The following MUC5AC variants were observed in gnomAD, a reference collection of about 807,000 sequenced individuals.
MUC5AC encodes mucin 5AC, oligomeric mucus/gel-forming.
Under a neutral mutation model 169.7 loss-of-function variants are expected in MUC5AC, and 158 were observed. That is an observed-to-expected ratio of 0.93 (90% CI 0.82 to 1.06). MUC5AC has a LOEUF of 1.06. Among genes scored for constraint, MUC5AC ranks in the 50% least tolerant of loss-of-function variants. The pLI is 0.00. For synonymous variants in MUC5AC, 1,975 were observed against 1,237.0 expected, an observed-to-expected ratio of 1.60 and a Z score of -12.52; for missense variants, 4,359 against 3,089.9, an observed-to-expected ratio of 1.41 and a Z score of -9.74.
intron 2 of MUC5AC, 73 bp from the exon 3 acceptor site, chr11:1,161,454 C>T (rs1412829094): frequency 1.6e-5 from 21 of 1,280,272 alleles, no homozygotes; most frequent in Admixed American, 8.0e-5. Flanking sequence ...GACTCTGGAA[C>T]GTCTCCTCTG....
In MUC5AC at chr11:1,196,614, C is replaced by G; in HGVS notation, c.15726-3C>G. 1 of 761,556 alleles carries G rather than the reference C, an allele frequency of 1.3e-6. No individual in the cohort carries two copies. Among genetic ancestry groups the G allele is most frequent in the Non-Finnish European group, 2.4e-6 (1 of 416,372 alleles). 47.2% of individuals were successfully genotyped at this position (761,556 alleles called of 1,614,324 possible). A position where few individuals can be genotyped will look rare whatever the true frequency, so the allele number is the denominator to read the frequency against. The stretch of plus-strand genomic sequence containing the variant: ...AGACCCACCAACCCTATGCTCTCTA[C>G]AGGGCTCTGCCGGAGGCCGGCCCCA... On this transcript the variant is annotated splice_region_variant and splice_polypyrimidine_tract_variant and intron_variant, in intron 38 of 48. Transcript: ENST00000621226.
chr11:1,200,756 G>T lies in MUC5AC; in HGVS notation c.*54G>T. 1 of 673,426 alleles carries T rather than the reference G, an allele frequency of 1.5e-6. No individual in the cohort carries two copies. Among genetic ancestry groups the T allele is most frequent in the Non-Finnish European group, 2.7e-6 (1 of 370,870 alleles). The allele number at this position is 673,426 out of a possible 1,614,324, so 41.7% of individuals were successfully genotyped here. A position where few individuals can be genotyped will look rare whatever the true frequency, so the allele number is the denominator to read the frequency against. On this transcript the variant is annotated 3_prime_UTR_variant, in exon 49 of 49. Transcript: ENST00000621226. ...GGAGAACCTCCCATATGTCCTCTGAGCTCGGCTTCCAAGGCCAGTGGAACT... is the reference window on the plus strand; with the variant it reads ...GGAGAACCTCCCATATGTCCTCTGATCTCGGCTTCCAAGGCCAGTGGAACT...
chr11:1,164,565 G>A lies in MUC5AC; in HGVS notation c.1129+33G>A, dbSNP rs1269246874. 5.7e-6 allele frequency: 9 copies of A among 1,582,428 alleles called. No individual in the cohort carries two copies. In the African/African-American group the frequency reaches 9.4e-5, roughly 17 times the overall value. On this transcript the variant is annotated intron_variant, in intron 9 of 48. Coordinates refer to ENST00000621226, the MANE Select transcript of MUC5AC (RefSeq NM_001304359.2). ...TCCCCCGCCCCTGGGAAACACAGGTGCACCCCGACAACTAGGGGGCTGTGC... is the reference window on the plus strand; with the variant it reads ...TCCCCCGCCCCTGGGAAACACAGGTACACCCCGACAACTAGGGGGCTGTGC...
chr11:1,168,842 C>T lies in MUC5AC; in HGVS notation c.1706-20C>T. The T allele has an allele frequency of 6.3e-7, 1 of 1,580,554 alleles. No homozygotes were observed. Among genetic ancestry groups the T allele is most frequent in the South Asian group, 1.2e-5 (1 of 86,918 alleles). ...TCTGGCCAGGGCGCATGGTCCTCAA[C>T]CTGCCTAACCCGCCCCCAGGTCTCT... On this transcript the variant is annotated intron_variant, in intron 14 of 48. Transcript: ENST00000621226.
chr11:1,196,449 C>T lies in MUC5AC; in HGVS notation c.15699C>T (p.Cys5233=), dbSNP rs1470827031. 1.3e-6 allele frequency: 1 copy of T among 765,064 alleles called. No homozygotes were observed. The highest frequency in any genetic ancestry group is 1.7e-5 in the Admixed American group (1 of 59,042). 47.4% of individuals were successfully genotyped at this position (765,064 alleles called of 1,614,324 possible). The change falls in exon 38 of 49, where the codon TGC becomes TGT. Residue 5233 remains cysteine (C), a synonymous_variant. Transcript: ENST00000621226. ...GCGGCCCGAGCAACCCCTCCTACTG[C>T]TACGGGAATGACAGCGCCAGCCTCG... The part of the protein sequence containing the change: ...QPCGPSNPSY[C]YGNDSASLGA...
Position 1,186,673 on chromosome 11 carries a change from G to C in MUC5AC, c.8528G>C (p.Ser2843Thr). The change falls in exon 31 of 49, where the codon AGC (serine) becomes ACC (threonine). Residue 2843 changes from serine (S) to threonine (T), a missense_variant. Physicochemically the swap from Ser to Thr is moderately conservative, Grantham distance 58. Transcript: ENST00000621226. ...GTTSSPVPTT[S>T]TTSAPTTSTT... is the part of the protein sequence containing the mutation. ...ACTTCAAGCCCTGTTCCCACCACCA[G>C]CACAACCTCTGCCCCTACAACCAGC... 1 of 741,618 alleles carries C rather than the reference G, an allele frequency of 1.3e-6. No individual in the cohort carries two copies. Among genetic ancestry groups the C allele is most frequent in the South Asian group, 1.4e-5 (1 of 71,140 alleles). The allele number at this position is 741,618 out of a possible 1,614,324, so 45.9% of individuals were successfully genotyped here. A position where few individuals can be genotyped will look rare whatever the true frequency, so the allele number is the denominator to read the frequency against.
intron 12 of MUC5AC, among the ~76,000 whole-genome samples, 200 bp downstream of exon 12, chr11:1,168,187 C>T (rs752557048): frequency 1.6e-4 from 25 of 152,188 alleles, no homozygotes; most frequent in Non-Finnish European, 3.1e-4. Context: ...CCTCCCGGGC[C>T]GCCATACCTG....
rs1253652883 is a variant in MUC5AC at position 1,187,536 on chromosome 11, A to G, written c.9391A>G (p.Ser3131Gly). 1.3e-6 allele frequency: 1 copy of G among 750,382 alleles called. No individual in the cohort carries two copies. The highest frequency in any genetic ancestry group is 2.4e-6 in the Non-Finnish European group (1 of 410,956). 46.5% of individuals were successfully genotyped at this position (750,382 alleles called of 1,614,324 possible). A position where few individuals can be genotyped will look rare whatever the true frequency, so the allele number is the denominator to read the frequency against. ...TACTCCCAGCCCTATTCCTACCACC[A>G]GCACAACCTCTCCTCCTACAACCAG... ...GTTPSPIPTT[S>G]TTSPPTTSTT... Residue 3131 changes from serine to glycine, a missense_variant, in exon 31 of 49, where the codon AGC becomes GGC. Coordinates refer to ENST00000621226, the MANE Select transcript of MUC5AC (RefSeq NM_001304359.2).
At position 1,160,349 on chromosome 11, in the gene MUC5AC, G is replaced by A. The variant is rs539480011; in HGVS notation, c.74-263G>A. Among the ~76,000 whole-genome samples the A allele has an allele frequency of 2.3e-3, 353 of 152,176 alleles. 2 individuals are homozygous for A. Among genetic ancestry groups the A allele is most frequent in the African/African-American group, 8.4e-3 (347 of 41,502 alleles). On this transcript the variant is annotated intron_variant, in intron 1 of 48. Transcript: ENST00000621226. The stretch of plus-strand genomic sequence containing the variant: ...AATGAATAGATAGGGATGCCAGATC[G>A]GGGCGAAGGGTCCTGACGCCACCTG...
intron 19 of MUC5AC, among the ~76,000 whole-genome samples, chr11:1,175,915 C>G (rs1375505908): frequency 7.0e-6 from 1 of 142,218 alleles, no homozygotes; most frequent in African/African-American, 2.6e-5. Context: ...GCACACACAC[C>G]CACTCATGCA....
chr11:1,189,563 C>A lies in MUC5AC; in HGVS notation c.11418C>A (p.Ser3806Arg). 1.6e-6 allele frequency: 1 copy of A among 610,972 alleles called. No individual in the cohort carries two copies. Among genetic ancestry groups the A allele is most frequent in the Non-Finnish European group, 2.9e-6 (1 of 343,068 alleles). The allele number at this position is 610,972 out of a possible 1,614,324, so 37.8% of individuals were successfully genotyped here. A position where few individuals can be genotyped will look rare whatever the true frequency, so the allele number is the denominator to read the frequency against. Residue 3806 changes from serine (S) to arginine (R), a missense_variant, in exon 31 of 49, where the codon AGC (serine) becomes AGA (arginine). By Grantham distance (110) the Ser-to-Arg change is moderately radical. Transcript: ENST00000621226. ...GCACAACCTCCACTCCACAGACCAG[C>A]ACAATCTCTTCCCCTACAACCAGCA... ...TTSTTSTPQT[S>R]TISSPTTSTT... is the part of the protein sequence containing the mutation.
Position 1,198,860 on chromosome 11 carries a change from C to A in MUC5AC, c.16174-14C>A. 1.4e-6 allele frequency: 1 copy of A among 726,552 alleles called. No homozygotes were observed. Among genetic ancestry groups the A allele is most frequent in the East Asian group, 2.6e-5 (1 of 38,782 alleles). 45.0% of individuals were successfully genotyped at this position (726,552 alleles called of 1,614,324 possible). On this transcript the variant is annotated splice_polypyrimidine_tract_variant and intron_variant, in intron 43 of 48. Transcript: ENST00000621226. The stretch of plus-strand genomic sequence containing the variant: ...CCCAAGCTCATGAGTGTCTGCTGCC[C>A]TGGCTCTCCCCAGCCCGGCGCCGTG...
At chr11:1,192,747 C>T in intron 31 of MUC5AC, 36 bp from the exon 32 acceptor site, 1 of 734,968 alleles carries the variant, frequency 1.4e-6, no homozygotes, top group Non-Finnish European at 2.5e-6. Flanking sequence ...TTGAGCAGGA[C>T]TCCACTAAAG....
intron 43 of MUC5AC, 60 bp downstream of exon 43, chr11:1,198,365 G>A (rs1861338269): frequency 1.4e-6 from 1 of 710,756 alleles, no homozygotes; most frequent in African/African-American, 1.7e-5. Context: ...CACTGACCCT[G>A]AGGCCCAGGT....
At chr11:1,167,827 G>T (rs1244141036) in intron 11 of MUC5AC, 50 bp from the exon 12 acceptor site, 1 of 1,482,242 alleles carries the variant, frequency 6.7e-7, no homozygotes, top group Admixed American at 2.0e-5. Flanking sequence ...GGCCAGGTGG[G>T]CTGGGCGTTG....
chr11:1,168,405 G>A, intron 12 of MUC5AC, 78 bp from the exon 13 acceptor site: 1 of 1,424,106 alleles, frequency 7.0e-7, no homozygotes, highest in Non-Finnish European at 9.7e-7. Context: ...GGCACCTGCA[G>A]GCACATTTCA....
rs1180545828 is a variant in MUC5AC, at chr11:1,166,493, G to A, written c.1386+733G>A. Among the ~76,000 whole-genome samples the A allele has an allele frequency of 9.1e-5, 12 of 131,398 alleles. 1 individual carries two copies. The highest frequency in any genetic ancestry group is 2.4e-4 in the African/African-American group (8 of 32,894). 86.2% of individuals were successfully genotyped at this position (131,398 alleles called of 152,430 possible). A position where few individuals can be genotyped will look rare whatever the true frequency, so the allele number is the denominator to read the frequency against. ...TACACCCAACACACAGTCTCTCCAC[G>A]ATGAGACCCTGCACCCAACACACAG... On this transcript the variant is annotated intron_variant, in intron 11 of 48. Coordinates refer to ENST00000621226, the MANE Select transcript of MUC5AC (RefSeq NM_001304359.2).
Position 1,168,974 on chromosome 11 carries a change from C to T in MUC5AC, c.1818C>T (p.Cys606=), listed in dbSNP as rs1860414290. ...FFNTFKTQAA[C]PNIRNSFEDP... is the part of the protein sequence containing the mutation. ...ACACCTTCAAGACCCAGGCCGCCTG[C>T]CCCAACATCAGGAACAGCTTCGAGG... The change falls in exon 15 of 49, where the codon TGC becomes TGT. Residue 606 remains cysteine (C), a synonymous_variant. Coordinates refer to ENST00000621226, the MANE Select transcript of MUC5AC (RefSeq NM_001304359.2). 1.9e-6 allele frequency: 3 copies of T among 1,610,636 alleles called. No individual in the cohort carries two copies. The highest frequency in any genetic ancestry group is 2.2e-5 in the South Asian group (2 of 90,900).
At position 1,182,366 on chromosome 11, in the gene MUC5AC, C is replaced by T. The variant is rs968931122; in HGVS notation, c.4221C>T (p.Phe1407=). The T allele has an allele frequency of 9.0e-5, 36 of 398,536 alleles. No individual in the cohort carries two copies. Among genetic ancestry groups the T allele is most frequent in the Non-Finnish European group, 1.2e-4 (28 of 226,006 alleles). The allele number at this position is 398,536 out of a possible 1,614,324, so 24.7% of individuals were successfully genotyped here. A position where few individuals can be genotyped will look rare whatever the true frequency, so the allele number is the denominator to read the frequency against. Residue 1407 remains phenylalanine, a synonymous_variant, in exon 31 of 49, where the codon TTC becomes TTT. Transcript: ENST00000621226. The stretch of plus-strand genomic sequence containing the variant: ...GACGGGGCACGGACAGCGGTGACTT[C>T]GACACACTGGAGAACCTCCGCGCCC... ...RPGRGTDSGD[F]DTLENLRAHG...
Sources: allele counts gnomAD v4.1 joint callset (sites outside exome capture counted in the v4.1 genomes callset), GRCh38; gene constraint gnomAD v4.1.1; transcripts MANE v1.5; gene names NCBI Gene and HGNC (gene_info 2026-07-23, HGNC 2026-07-21).